The following UNC5D variants were observed in gnomAD, a reference collection of about 807,000 sequenced individuals.
UNC5D encodes unc-5 netrin receptor D, also known as netrin receptor UNC5D.
A neutral mutation model predicts 105.4 loss-of-function variants in UNC5D; 39 were observed. The ratio of observed to expected loss-of-function variants is 0.37; its 90% CI spans 0.29 to 0.48. The LOEUF is 0.48. UNC5D is among the 20% of genes least tolerant of loss of function. The pLI is 0.98. For synonymous variants in UNC5D, 452 were observed against 450.4 expected, an observed-to-expected ratio of 1.00 and a Z score of -0.04; for missense variants, 991 against 1,202.4, an observed-to-expected ratio of 0.82 and a Z score of 2.60.
At chr8:35,587,052 G>A (rs1818835841) in intron 3 of UNC5D, among the ~76,000 whole-genome samples, 2 of 152,188 alleles carry the variant, frequency 1.3e-5, no homozygotes, top group Non-Finnish European at 2.9e-5. Context: ...CTTATTGGCA[G>A]GTACTGCTGA....
chr8:35,721,334 C>A, intron 8 of UNC5D: 1 of 685,400 alleles, frequency 1.5e-6, no homozygotes, highest in Non-Finnish European at 2.7e-6. Flanking sequence ...TAACCACATC[C>A]AACGCACCTC....
chr8:35,768,930 T>C (rs16884407), intron 15 of UNC5D, among the ~76,000 whole-genome samples: 1,990 of 152,314 alleles, frequency 0.013, 40 homozygotes, highest in African/African-American at 0.044. Flanking sequence ...ATTAACCCTT[T>C]GATCCTTTCA....
At chr8:35,284,086 C>T (rs1453283913) in intron 1 of UNC5D, among the ~76,000 whole-genome samples, 1 of 151,946 alleles carries the variant, frequency 6.6e-6, no homozygotes, top group Non-Finnish European at 1.5e-5. Context: ...TTGGTCTTGG[C>T]CAGTTTTATG....
At chr8:35,276,028 T>A (rs1423807411) in intron 1 of UNC5D, among the ~76,000 whole-genome samples, 1 of 152,178 alleles carries the variant, frequency 6.6e-6, no homozygotes, top group Non-Finnish European at 1.5e-5. Context: ...TAATATAGGA[T>A]CAATTTTTTG....
At chr8:35,393,285 C>T (rs1000422763) in intron 1 of UNC5D, among the ~76,000 whole-genome samples, 10 of 151,230 alleles carry the variant, frequency 6.6e-5, no homozygotes, top group Non-Finnish European at 1.0e-4. Context: ...AGGCGCCCGC[C>T]ACCTCGCCCG....
intron 1 of UNC5D, among the ~76,000 whole-genome samples, chr8:35,448,243 G>A (rs1481287109): frequency 1.3e-5 from 2 of 152,040 alleles, no homozygotes; most frequent in Non-Finnish European, 2.9e-5. Flanking sequence ...AGTGGGGTTT[G>A]GGGGCTCCAG....
At chr8:35,549,756 T>G (rs1586107876) in intron 2 of UNC5D, among the ~76,000 whole-genome samples, 1 of 152,314 alleles carries the variant, frequency 6.6e-6, no homozygotes, top group East Asian at 1.9e-4. Flanking sequence ...CACCAAATTT[T>G]GTATGAAAAT....
intron 3 of UNC5D, among the ~76,000 whole-genome samples, chr8:35,592,311 G>T (rs1819221804): frequency 6.6e-6 from 1 of 152,094 alleles, no homozygotes; most frequent in African/African-American, 2.4e-5. Flanking sequence ...CTTGCTTCAT[G>T]TCTTTTTAGA....
At chr8:35,784,676 A>T (rs762758740) in intron 16 of UNC5D, among the ~76,000 whole-genome samples, 2 of 152,070 alleles carry the variant, frequency 1.3e-5, no homozygotes, top group Non-Finnish European at 2.9e-5. Flanking sequence ...GAAACCTGGG[A>T]GGTGGAGGTT....
At chr8:35,265,901 A>AATC (rs1294874808) in intron 1 of UNC5D, among the ~76,000 whole-genome samples, 56 of 148,136 alleles carry the variant, frequency 3.8e-4, no homozygotes, top group African/African-American at 1.3e-3. Flanking sequence ...TAATAATAAT[A>AATC]ATAATATATC....
At chr8:35,250,829 A>G (rs997407631) in intron 1 of UNC5D, among the ~76,000 whole-genome samples, 3 of 150,448 alleles carry the variant, frequency 2.0e-5, no homozygotes, top group Admixed American at 1.3e-4. Flanking sequence ...TCCTTCCCCC[A>G]CTCTAGTAGT....
intron 1 of UNC5D, among the ~76,000 whole-genome samples, chr8:35,238,463 G>A (rs192483233): frequency 2.6e-4 from 39 of 152,348 alleles, no homozygotes; most frequent in African/African-American, 8.4e-4. Flanking sequence ...TGTAAGGAAG[G>A]CACTCTGGTG....
intron 1 of UNC5D, among the ~76,000 whole-genome samples, chr8:35,323,674 G>A (rs533987016): frequency 6.6e-6 from 1 of 152,052 alleles, no homozygotes; most frequent in South Asian, 2.1e-4. Context: ...AACCATATGG[G>A]GCAGGCACTC....
Position 35,235,610 on chromosome 8 carries a change from G to A in UNC5D, c.-175G>A, listed in dbSNP as rs1802404855. 2.3e-6 allele frequency: 1 copy of A among 435,582 alleles called. No individual in the cohort carries two copies. The highest frequency in any genetic ancestry group is 4.5e-5 in the Admixed American group (1 of 22,192). 27.0% of individuals were successfully genotyped at this position (435,582 alleles called of 1,614,324 possible). A position where few individuals can be genotyped will look rare whatever the true frequency, so the allele number is the denominator to read the frequency against. On this transcript the variant is annotated 5_prime_UTR_variant, in exon 1 of 17. Transcript: ENST00000404895. The stretch of plus-strand genomic sequence containing the variant: ...ATGGGGACGCGCCCTTTCTCGGGGT[G>A]CCCATTCAGCGGCGGCTCGGAGCTC...
At chr8:35,660,691 G>A (rs1190946320) in intron 4 of UNC5D, among the ~76,000 whole-genome samples, 3 of 152,164 alleles carry the variant, frequency 2.0e-5, no homozygotes, top group Non-Finnish European at 2.9e-5. Flanking sequence ...TAATGTCATG[G>A]GACTCGTCCA....
intron 1 of UNC5D, among the ~76,000 whole-genome samples, chr8:35,359,447 A>G (rs1423067534): frequency 6.6e-6 from 1 of 152,198 alleles, no homozygotes; most frequent in Non-Finnish European, 1.5e-5. Context: ...GGACCATCAC[A>G]ATGTTATCAA....
At chr8:35,274,951 C>T (rs919319535) in intron 1 of UNC5D, among the ~76,000 whole-genome samples, 4 of 151,684 alleles carry the variant, frequency 2.6e-5, no homozygotes, top group Admixed American at 6.6e-5. Context: ...ATTGGCTGGG[C>T]GTAGTGGCAG....
At chr8:35,314,842 A>C (rs989266154) in intron 1 of UNC5D, among the ~76,000 whole-genome samples, 84 of 152,302 alleles carry the variant, frequency 5.5e-4, no homozygotes, top group African/African-American at 2.0e-3. Context: ...TAACAGTACA[A>C]CATGGAAACA....
At chr8:35,780,838 G>A (rs1802471866) in intron 16 of UNC5D, among the ~76,000 whole-genome samples, 1 of 152,206 alleles carries the variant, frequency 6.6e-6, no homozygotes, top group African/African-American at 2.4e-5. Flanking sequence ...AAGTAGTACT[G>A]AGAAAGCTGA....
Sources: gnomAD v4.1 joint callset for allele counts (sites outside exome capture counted in the v4.1 genomes callset) on GRCh38, gnomAD v4.1.1 for gene constraint, MANE v1.5 for transcripts, NCBI Gene and HGNC (gene_info 2026-07-23, HGNC 2026-07-21) for gene names.